The following CTRC variants were observed in gnomAD, a reference collection of about 807,000 sequenced individuals.
CTRC encodes the protein chymotrypsin-C.
CTRC carries 32 observed loss-of-function variants against 35.7 expected under a neutral mutation model. The observed-to-expected ratio is 0.90, with a 90% CI of 0.68 to 1.20. The LOEUF (loss-of-function observed/expected upper bound fraction) is 1.20. Ranked by LOEUF, CTRC falls within the 50% of genes most tolerant of loss-of-function variation. The pLI is 0.00. For synonymous variants in CTRC, 119 were observed against 149.5 expected (o/e 0.80, Z 1.49); for missense variants, 324 against 361.5 (o/e 0.90, Z 0.84).
chr1:15,443,975 A>G (rs1284564111), intron 5 of CTRC, among the ~76,000 whole-genome samples: 1 of 152,188 alleles, frequency 6.6e-6, no homozygotes, highest in African/African-American at 2.4e-5. Flanking sequence ...GGGAGAAGTC[A>G]GCTGTGGCGG....
intron 1 of CTRC, among the ~76,000 whole-genome samples, chr1:15,439,574 G>A (rs1708093901): frequency 1.3e-5 from 2 of 152,126 alleles, no homozygotes; most frequent in Non-Finnish European, 2.9e-5. Flanking sequence ...TTGAGTCCAC[G>A]TCTGTCTCGC....
At chr1:15,439,446 G>C (rs918583079) in intron 1 of CTRC, among the ~76,000 whole-genome samples, 2 of 150,300 alleles carry the variant, frequency 1.3e-5, no homozygotes, top group South Asian at 4.2e-4. Flanking sequence ...AAAAGAAAAA[G>C]AAAGAAAAAG....
rs781447617 is a variant in CTRC at position 15,445,678 on chromosome 1, C to CG, written c.725dup (p.Cys243LeufsTer88). 6.2e-7 allele frequency: 1 copy of CG among 1,614,180 alleles called. No individual in the cohort carries two copies. The highest frequency in any genetic ancestry group is 1.3e-5 in the African/African-American group (1 of 75,034). ...TGGCATCGTCAGCTTTGGCTCCCGG[C>CG]GGGGCTGCAACACCCGCAAGAAGCC... On this transcript the variant is annotated frameshift_variant, in exon 7 of 8. Transcript: ENST00000375949. LOFTEE classifies it high-confidence loss of function.
Position 15,447,189 on chromosome 1 carries a change from T to C in CTRC, c.*600T>C, listed in dbSNP as rs185988352. On this transcript the variant is annotated 3_prime_UTR_variant, in exon 8 of 8. Transcript: ENST00000375949. ...GCAGCACAGACCCCATGGCTGCTGT[T>C]GGCAGGGGCTCTCTGCTTTGAGAAG... 5.5e-6 allele frequency: 1 copy of C among 182,930 alleles called. No individual in the cohort carries two copies. Among genetic ancestry groups the C allele is most frequent in the Non-Finnish European group, 1.2e-5 (1 of 86,348 alleles). The allele number at this position is 182,930 out of a possible 1,614,324, so 11.3% of individuals were successfully genotyped here.
chr1:15,443,367 T>C, intron 4 of CTRC, 52 bp from the exon 5 acceptor site: 5 of 1,613,052 alleles, frequency 3.1e-6, no homozygotes, highest in East Asian at 2.2e-5. Flanking sequence ...TAGCCTGAGC[T>C]TGTGGGGCCA....
At chr1:15,438,617 G>C (rs1383071882) in intron 1 of CTRC, 113 bp downstream of exon 1, 3 of 1,216,762 alleles carry the variant, frequency 2.5e-6, no homozygotes, top group South Asian at 2.4e-5. Context: ...GACACTTTGG[G>C]GTCCCCTGTG....
chr1:15,446,719 C>T lies in CTRC; in HGVS notation c.*130C>T. ...CTCTCTGGTGCTGCCCCTTTCCACACTATGGAGCCAAAGAGAGACCCCACT... is the reference window on the plus strand; with the variant it reads ...CTCTCTGGTGCTGCCCCTTTCCACATTATGGAGCCAAAGAGAGACCCCACT... On this transcript the variant is annotated 3_prime_UTR_variant, in exon 8 of 8. Coordinates refer to ENST00000375949, the MANE Select transcript of CTRC (RefSeq NM_007272.3). 9.2e-7 allele frequency: 1 copy of T among 1,089,702 alleles called. No individual in the cohort carries two copies. Among genetic ancestry groups the T allele is most frequent in the South Asian group, 1.3e-5 (1 of 78,962 alleles). The allele number at this position is 1,089,702 out of a possible 1,614,324, so 67.5% of individuals were successfully genotyped here. A position where few individuals can be genotyped will look rare whatever the true frequency, so the allele number is the denominator to read the frequency against.
At chr1:15,444,508 C>A in intron 5 of CTRC, 98 bp from the exon 6 acceptor site, 1 of 1,498,598 alleles carries the variant, frequency 6.7e-7, no homozygotes, top group Non-Finnish European at 9.2e-7. Context: ...CGGCGCTCCC[C>A]TGGGTCCTGT....
At chr1:15,442,386 C>G in intron 3 of CTRC, 61 bp from the exon 4 acceptor site, 1 of 1,563,644 alleles carries the variant, frequency 6.4e-7, no homozygotes, top group South Asian at 1.2e-5. Context: ...AGCTCCCTCT[C>G]TATCCCACTG....
rs771566299 is a variant in CTRC, at chr1:15,444,745, C to T, written c.633C>T (p.Ala211=). The T allele has an allele frequency of 1.2e-6, 2 of 1,614,202 alleles. No homozygotes were observed. Among genetic ancestry groups the T allele is most frequent in the Non-Finnish European group, 1.7e-6 (2 of 1,180,030 alleles). The change falls in exon 6 of 8, where the codon GCC becomes GCT. Residue 211 remains alanine, a synonymous_variant. Transcript: ENST00000375949. Reference sequence around the variant, plus strand: ...CTGGGGGCGATGGCGTCATCTCAGCCTGCAATGTGAGTGGCTAGGTTCTGC... The same window carrying T: ...CTGGGGGCGATGGCGTCATCTCAGCTTGCAATGTGAGTGGCTAGGTTCTGC... ...VCAGGDGVIS[A]CNGDSGGPLN...
chr1:15,445,729 T>G lies in CTRC; in HGVS notation c.772T>G (p.Tyr258Asp). The G allele has an allele frequency of 6.2e-7, 1 of 1,614,142 alleles. No individual in the cohort carries two copies. The highest frequency in any genetic ancestry group is 1.1e-5 in the South Asian group (1 of 91,078). Reference sequence around the variant, plus strand: ...GGTAGTCTACACCCGGGTGTCCGCCTACATCGACTGGATCAACGAGGTGGG... The same window carrying G: ...GGTAGTCTACACCCGGGTGTCCGCCGACATCGACTGGATCAACGAGGTGGG... ...KPVVYTRVSA[Y>D]IDWINEKMQL The change falls in exon 7 of 8, where the codon TAC becomes GAC. Residue 258 changes from tyrosine (Y) to aspartate (D), a missense_variant. Physicochemically the swap from Tyr to Asp is radical, Grantham distance 160 (BLOSUM62 -3). Coordinates refer to ENST00000375949, the MANE Select transcript of CTRC (RefSeq NM_007272.3).
rs1708257594 is a variant in CTRC, at chr1:15,448,933, T to A, written c.*2344T>A. 6.6e-6 allele frequency: 1 copy of A among 152,228 alleles called. No individual in the cohort carries two copies. Among genetic ancestry groups the A allele is most frequent in the South Asian group, 2.1e-4 (1 of 4,836 alleles). The allele number at this position is 152,228 out of a possible 1,614,324, so 9.4% of individuals were successfully genotyped here. A position where few individuals can be genotyped will look rare whatever the true frequency, so the allele number is the denominator to read the frequency against. ...ACAATGTTATTTAAGCAATGTTAAA[T>A]AATATCTAACATTTATTGGGCACTT... On this transcript the variant is annotated 3_prime_UTR_variant, in exon 8 of 8. Transcript: ENST00000375949.
intron 6 of CTRC, 48 bp downstream of exon 6, chr1:15,444,799 G>A: frequency 6.2e-7 from 1 of 1,613,016 alleles, no homozygotes; most frequent in Non-Finnish European, 8.5e-7. Context: ...GTGGCCAAGT[G>A]GATGTGGGCA....
chr1:15,446,303 G>T (rs1708220953), intron 7 of CTRC, among the ~76,000 whole-genome samples: 3 of 152,258 alleles, frequency 2.0e-5, no homozygotes. Flanking sequence ...GGGATGGTGT[G>T]GATGGCCATT....
At chr1:15,445,891 C>A (rs1708211896) in intron 7 of CTRC, 142 bp downstream of exon 7, 1 of 974,312 alleles carries the variant, frequency 1.0e-6, no homozygotes, top group Non-Finnish European at 1.6e-6. Flanking sequence ...CTCATTCATG[C>A]ATTCATTCAT....
rs1708240490 is a variant in CTRC, at chr1:15,447,578, A to C, written c.*989A>C. 1.3e-5 allele frequency: 2 copies of C among 152,548 alleles called. 1 individual carries two copies. The highest frequency in any genetic ancestry group is 4.8e-5 in the African/African-American group (2 of 41,464). 9.4% of individuals were successfully genotyped at this position (152,548 alleles called of 1,614,324 possible). ...GGGCAGCCAGAGATGAGAGAGATCC[A>C]ATGTCCAGGGAGGGACATGCCAGGG... is the stretch of plus-strand genomic sequence containing the variant. On this transcript the variant is annotated 3_prime_UTR_variant, in exon 8 of 8. Coordinates refer to ENST00000375949, the MANE Select transcript of CTRC (RefSeq NM_007272.3).
rs987718622 is a variant in CTRC, at chr1:15,447,893, C to T, written c.*1304C>T. 6.2e-4 allele frequency: 95 copies of T among 152,320 alleles called. No homozygotes were observed. Among genetic ancestry groups the T allele is most frequent in the African/African-American group, 2.1e-3 (89 of 41,540 alleles). 9.4% of individuals were successfully genotyped at this position (152,320 alleles called of 1,614,324 possible). On this transcript the variant is annotated 3_prime_UTR_variant, in exon 8 of 8. Transcript: ENST00000375949. Reference sequence around the variant, plus strand: ...CAGGGAGCCCAGCACCACCCAGACCCGGGAATCCAGGATGGGGGTACCCCA... The same window carrying T: ...CAGGGAGCCCAGCACCACCCAGACCTGGGAATCCAGGATGGGGGTACCCCA...
intron 6 of CTRC, among the ~76,000 whole-genome samples, chr1:15,445,125 T>C (rs1708197267): frequency 6.6e-6 from 1 of 151,442 alleles, no homozygotes; most frequent in African/African-American, 2.5e-5. Context: ...TGTTCCTCCA[T>C]GCATTTGCTC....
At chr1:15,445,796 C>T (rs767275938) in intron 7 of CTRC, 47 bp downstream of exon 7, 2 of 1,607,138 alleles carry the variant, frequency 1.2e-6, no homozygotes, top group Non-Finnish European at 8.5e-7. Flanking sequence ...AGCCCCTCCC[C>T]CTCACTCACC....
Sources: allele counts gnomAD v4.1 joint callset (sites outside exome capture counted in the v4.1 genomes callset), GRCh38; gene constraint gnomAD v4.1.1; transcripts MANE v1.5; gene names NCBI Gene and HGNC (gene_info 2026-07-23, HGNC 2026-07-21).